The following ATP10A variants were observed in gnomAD, a reference collection of about 807,000 sequenced individuals.
The protein encoded by ATP10A is ATPase phospholipid transporting 10A (putative), also known as phospholipid-transporting ATPase VA.
A neutral mutation model predicts 147.8 loss-of-function variants in ATP10A; 111 were observed. That is an observed-to-expected ratio of 0.75 (90% confidence interval 0.64 to 0.88). The LOEUF (loss-of-function observed/expected upper bound fraction) is 0.88. Among genes scored for constraint, ATP10A ranks in the 40% least tolerant of loss-of-function variants. The pLI is 0.00. For synonymous variants in ATP10A, 875 were observed against 841.6 expected (o/e 1.04, Z -0.69); for missense variants, 1,927 against 1,959.0 (o/e 0.98, Z 0.31).
intron 13 of ATP10A, among the ~76,000 whole-genome samples, chr15:25,697,211 C>T (rs887722629): frequency 6.6e-6 from 1 of 152,202 alleles, no homozygotes; most frequent in Non-Finnish European, 1.5e-5. Flanking sequence ...AAGGTGACCT[C>T]TGGAGGGCAA....
chr15:25,808,393 TG>T (rs1236556170), intron 1 of ATP10A, among the ~76,000 whole-genome samples: 1 of 110,638 alleles, frequency 9.0e-6, no homozygotes, highest in Non-Finnish European at 2.1e-5. Flanking sequence ...AGTTTTGTTT[TG>T]TTTTTTGAGA....
At chr15:25,694,692 TG>T in intron 14 of ATP10A, 126 bp downstream of exon 14, 1 of 857,620 alleles carries the variant, frequency 1.2e-6, no homozygotes, top group Non-Finnish European at 1.8e-6. Context: ...TCTATCACAC[TG>T]GGTGTGATTT....
At chr15:25,740,902 C>T (rs1887549561) in intron 2 of ATP10A, among the ~76,000 whole-genome samples, 1 of 152,240 alleles carries the variant, frequency 6.6e-6, no homozygotes, top group Non-Finnish European at 1.5e-5. Flanking sequence ...TACCATCCCT[C>T]CCAGCACCCA....
upstream of ATP10A, chr15:25,865,081 C>T (rs1020777314): frequency 6.6e-6 from 1 of 152,346 alleles, no homozygotes; most frequent in African/African-American, 2.4e-5. Flanking sequence ...GCAGAGGTCC[C>T]TTGAGGCCCT....
chr15:25,846,677 G>A (rs1430081144), intron 1 of ATP10A, among the ~76,000 whole-genome samples: 1 of 152,194 alleles, frequency 6.6e-6, no homozygotes, highest in African/African-American at 2.4e-5. Context: ...TGCCTGACAC[G>A]TGCAATGTTC....
At position 25,733,216 on chromosome 15, in the gene ATP10A, G is replaced by C. The variant is rs145134627; in HGVS notation, c.740+2840C>G. Among the ~76,000 whole-genome samples the C allele has an allele frequency of 7.9e-3, 1,201 of 152,230 alleles. 16 individuals are homozygous for C. The highest frequency in any genetic ancestry group is 0.027 in the African/African-American group (1,141 of 41,540). On this transcript the variant is annotated intron_variant, in intron 3 of 20. Coordinates refer to ENST00000555815, the MANE Select transcript of ATP10A (RefSeq NM_024490.4). Reference sequence around the variant, plus strand: ...CATGGAGGCTGCAAGGAGGCCAGTGGGAGGAAGCAAACCAGGGAGGTGGCT... The same window carrying C: ...CATGGAGGCTGCAAGGAGGCCAGTGCGAGGAAGCAAACCAGGGAGGTGGCT...
rs991376501 is a variant in ATP10A at position 25,687,691 on chromosome 15, T to A, written c.3291+12A>T. 1.9e-6 allele frequency: 3 copies of A among 1,576,172 alleles called. No individual in the cohort carries two copies. The highest frequency in any genetic ancestry group is 2.7e-5 in the African/African-American group (2 of 73,900). On this transcript the variant is annotated intron_variant, in intron 16 of 20. Coordinates refer to ENST00000555815, the MANE Select transcript of ATP10A (RefSeq NM_024490.4). ...CCAATCCCAAAACTCTAGACAGGTATCCAATACCTACTGTGTTTTTGTAGA... is the reference window on the plus strand; with the variant it reads ...CCAATCCCAAAACTCTAGACAGGTAACCAATACCTACTGTGTTTTTGTAGA...
chr15:25,675,036 G>T (rs756525917), downstream of ATP10A, among the ~76,000 whole-genome samples: 1 of 152,194 alleles, frequency 6.6e-6, no homozygotes, highest in Non-Finnish European at 1.5e-5. Context: ...CTTAAGAGCC[G>T]GCCGAAGTCT....
intron 1 of ATP10A, among the ~76,000 whole-genome samples, chr15:25,828,651 G>A (rs1250344112): frequency 6.6e-6 from 1 of 152,134 alleles, no homozygotes; most frequent in African/African-American, 2.4e-5. Context: ...GGGCTTAGAG[G>A]GAAATTTAAC....
chr15:25,836,758 G>A (rs933670576), intron 1 of ATP10A, among the ~76,000 whole-genome samples: 8 of 152,152 alleles, frequency 5.3e-5, no homozygotes, highest in Non-Finnish European at 1.0e-4. Flanking sequence ...GCAACCCTAG[G>A]AAGTGGGCAC....
intron 5 of ATP10A, among the ~76,000 whole-genome samples, chr15:25,724,519 A>C (rs1902431417): frequency 6.6e-6 from 1 of 152,210 alleles, no homozygotes; most frequent in Non-Finnish European, 1.5e-5. Context: ...CTGGTCACAG[A>C]AGCCTTTTTC....
rs781105467 is a variant in ATP10A, at chr15:25,804,608, G to GCCAGGT, written c.450-23391_450-23386dup. Among the ~76,000 whole-genome samples, 28 of 152,204 alleles carry GCCAGGT rather than the reference G, an allele frequency of 1.8e-4. No homozygotes were observed. The East Asian group carries it at 3.9e-3, about 21-fold the overall frequency. ...AAAGAGCTGAGGCCTTAAACAGGTGGCCAGGTCCAGGTCCAGGTCCACCCG... is the reference window on the plus strand; with the variant it reads ...AAAGAGCTGAGGCCTTAAACAGGTGGCCAGGTCCAGGTCCAGGTCCAGGTCCACCCG... On this transcript the variant is annotated intron_variant, in intron 1 of 20. Coordinates refer to ENST00000555815, the MANE Select transcript of ATP10A (RefSeq NM_024490.4).
chr15:25,675,748 C>T (rs1899123499), downstream of ATP10A, among the ~76,000 whole-genome samples: 1 of 152,218 alleles, frequency 6.6e-6, no homozygotes, highest in African/African-American at 2.4e-5. Flanking sequence ...GAGTTTGAGA[C>T]CAGCCTGGCC....
intron 12 of ATP10A, among the ~76,000 whole-genome samples, chr15:25,706,862 C>G (rs1218018570): frequency 6.6e-6 from 1 of 152,198 alleles, no homozygotes; most frequent in Admixed American, 6.5e-5. Flanking sequence ...CTGGGACAAC[C>G]AGCAGATGCC....
At chr15:25,815,580 A>T (rs1891616664) in intron 1 of ATP10A, among the ~76,000 whole-genome samples, 1 of 10,072 alleles carries the variant, frequency 9.9e-5, no homozygotes, top group Non-Finnish European at 2.8e-4. Flanking sequence ...CAGAATCCTA[A>T]AGAGCAAAGA....
At chr15:25,713,203 AG>A (rs1230056624) in intron 10 of ATP10A, among the ~76,000 whole-genome samples, 1 of 152,058 alleles carries the variant, frequency 6.6e-6, no homozygotes, top group African/African-American at 2.4e-5. Flanking sequence ...TCCCTTTATG[AG>A]GGGGGCTCGG....
intron 19 of ATP10A, 24 bp from the exon 20 acceptor site, chr15:25,680,332 G>A (rs1431286432): frequency 1.9e-6 from 3 of 1,606,722 alleles, no homozygotes; most frequent in Non-Finnish European, 8.5e-7. Flanking sequence ...AGAAAGAAAG[G>A]GCTTTTATTT....
chr15:25,863,032 C>T lies in ATP10A; in HGVS notation c.65G>A (p.Gly22Asp), dbSNP rs1244970081. Residue 22 changes from glycine (G) to aspartate (D), a missense_variant, in exon 1 of 21, where the codon GGC becomes GAC. Coordinates refer to ENST00000555815, the MANE Select transcript of ATP10A (RefSeq NM_024490.4). ...GPPGRRRRRE[G>D]RTRTVRSNLL... ...GTTGGAGCGCACCGTGCGCGTCCTG[C>T]CCTCTCGGCGCCTCCGCCGTCCCGG... is the stretch of plus-strand genomic sequence containing the variant. 8 of 1,287,666 alleles carry T rather than the reference C, an allele frequency of 6.2e-6. No homozygotes were observed. The highest frequency in any genetic ancestry group is 2.8e-4 in the Middle Eastern group (1 of 3,592). The allele number at this position is 1,287,666 out of a possible 1,614,324, so 79.8% of individuals were successfully genotyped here. A position where few individuals can be genotyped will look rare whatever the true frequency, so the allele number is the denominator to read the frequency against.
intron 1 of ATP10A, among the ~76,000 whole-genome samples, chr15:25,796,803 G>C (rs548569359): frequency 6.6e-6 from 1 of 152,350 alleles, no homozygotes; most frequent in African/African-American, 2.4e-5. Flanking sequence ...GCCGTAATTT[G>C]AGCTGGCCTT....
Sources: gnomAD v4.1 joint callset for allele counts (sites outside exome capture counted in the v4.1 genomes callset) on GRCh38, gnomAD v4.1.1 for gene constraint, MANE v1.5 for transcripts, NCBI Gene and HGNC (gene_info 2026-07-23, HGNC 2026-07-21) for gene names.